PKNOX2: variants seen among roughly 807,000 people sequenced by gnomAD.
PKNOX2 encodes homeobox protein PKNOX2.
Under a neutral mutation model 53.1 loss-of-function variants are expected in PKNOX2, and 14 were observed. The ratio of observed to expected loss-of-function variants is 0.26; its 90% CI spans 0.17 to 0.41. The LOEUF is 0.41. Among genes scored for constraint, PKNOX2 ranks in the 10% least tolerant of loss-of-function variants. The pLI is 1.00. For missense variants in PKNOX2, 496 were observed against 602.8 expected (o/e 0.82, Z 1.85); for synonymous variants, 257 against 242.8 (o/e 1.06, Z -0.54).
intron 7 of PKNOX2, among the ~76,000 whole-genome samples, chr11:125,406,432 C>A (rs1374117881): frequency 6.6e-6 from 1 of 152,216 alleles, no homozygotes; most frequent in Non-Finnish European, 1.5e-5. Flanking sequence ...CCCAGCTGAA[C>A]CCCTTCCATT....
chr11:125,302,072 T>A (rs552023581), intron 2 of PKNOX2, among the ~76,000 whole-genome samples: 29 of 152,314 alleles, frequency 1.9e-4, no homozygotes, highest in Admixed American at 7.8e-4. Flanking sequence ...GTTCGCCAGC[T>A]GCCTGGAGAA....
chr11:125,343,780 C>T (rs767498103), intron 3 of PKNOX2, among the ~76,000 whole-genome samples: 37 of 151,796 alleles, frequency 2.4e-4, no homozygotes, highest in Non-Finnish European at 3.7e-4. Context: ...AGCAAGACCA[C>T]GAAGAGGGCG....
chr11:125,359,814 G>A (rs1951824158), intron 4 of PKNOX2, among the ~76,000 whole-genome samples: 1 of 152,220 alleles, frequency 6.6e-6, no homozygotes, highest in Non-Finnish European at 1.5e-5. Context: ...GCCCTCCTGG[G>A]GCTGGCTGGC....
At chr11:125,289,144 C>T (rs1175405038) in intron 2 of PKNOX2, among the ~76,000 whole-genome samples, 1 of 152,186 alleles carries the variant, frequency 6.6e-6, no homozygotes, top group Non-Finnish European at 1.5e-5. Flanking sequence ...AATCCTCAGC[C>T]TTCAAGCGGA....
At chr11:125,301,008 C>A (rs1319501091) in intron 2 of PKNOX2, among the ~76,000 whole-genome samples, 2 of 152,314 alleles carry the variant, frequency 1.3e-5, no homozygotes, top group African/African-American at 4.8e-5. Flanking sequence ...GCTCTATCCT[C>A]GTCCCCTCCT....
chr11:125,334,333 G>A (rs1301064921), intron 3 of PKNOX2, among the ~76,000 whole-genome samples: 1 of 152,224 alleles, frequency 6.6e-6, no homozygotes, highest in African/African-American at 2.4e-5. Context: ...GAGCCAGCCA[G>A]TGTGCCTGGA....
rs980219568 is a variant in PKNOX2, at chr11:125,262,889, C to G, written c.-130+27774C>G. Among the ~76,000 whole-genome samples, 82 of 152,306 alleles carry G rather than the reference C, an allele frequency of 5.4e-4. 1 individual carries two copies. Among genetic ancestry groups the G allele is most frequent in the African/African-American group, 1.8e-3 (76 of 41,572 alleles). ...CCTTTTCCTCTCTGTGTCCCTCTTT[C>G]TATTTCTATGATCCGTTTCCTAGTG... On this transcript the variant is annotated intron_variant, in intron 2 of 12. Transcript: ENST00000298282.
chr11:125,296,781 G>A (rs1439927367), intron 2 of PKNOX2, among the ~76,000 whole-genome samples: 2 of 152,126 alleles, frequency 1.3e-5, no homozygotes, highest in South Asian at 2.1e-4. Context: ...GACTACAGGT[G>A]TGCGCCACCA....
chr11:125,196,633 A>T lies in PKNOX2; in HGVS notation c.-201+31857A>T, dbSNP rs893433343. On this transcript the variant is annotated intron_variant, in intron 1 of 12. Transcript: ENST00000298282. ...AGCCATGAAGCCAAACCTGGGTCAAACCCTGCTCCAATTTCACCTGTGGCC... is the reference window on the plus strand; with the variant it reads ...AGCCATGAAGCCAAACCTGGGTCAATCCCTGCTCCAATTTCACCTGTGGCC... Among the ~76,000 whole-genome samples the T allele has an allele frequency of 6.6e-5, 10 of 152,150 alleles. 1 individual carries two copies. The highest frequency in any genetic ancestry group is 2.4e-4 in the African/African-American group (10 of 41,426).
intron 1 of PKNOX2, among the ~76,000 whole-genome samples, chr11:125,196,993 T>A (rs1450607879): frequency 6.6e-6 from 1 of 152,210 alleles, no homozygotes; most frequent in Non-Finnish European, 1.5e-5. Context: ...GCGATGTGGC[T>A]ACTTAAATTT....
chr11:125,287,947 A>C (rs1947015940), intron 2 of PKNOX2: 1 of 152,040 alleles, frequency 6.6e-6, no homozygotes, highest in African/African-American at 2.4e-5. Context: ...GCCCCTGCTG[A>C]GGGCCACCCA....
At chr11:125,285,869 C>G (rs578009387) in intron 2 of PKNOX2, among the ~76,000 whole-genome samples, 1 of 152,358 alleles carries the variant, frequency 6.6e-6, no homozygotes, top group African/African-American at 2.4e-5. Flanking sequence ...CCTTGAGGCT[C>G]TTTCCATCAC....
chr11:125,172,796 C>G (rs1955425819), intron 1 of PKNOX2, among the ~76,000 whole-genome samples: 1 of 152,176 alleles, frequency 6.6e-6, no homozygotes, highest in Non-Finnish European at 1.5e-5. Flanking sequence ...CAACAGACTG[C>G]AGGGGCTTGG....
At chr11:125,216,437 G>C (rs1040051456) in intron 1 of PKNOX2, among the ~76,000 whole-genome samples, 4 of 152,344 alleles carry the variant, frequency 2.6e-5, no homozygotes, top group Admixed American at 6.5e-5. Flanking sequence ...GTCCTGGTAG[G>C]GGGGTGAGTC....
At chr11:125,397,762 A>T in intron 6 of PKNOX2, 112 bp from the exon 7 acceptor site, 1 of 1,103,032 alleles carries the variant, frequency 9.1e-7, no homozygotes, top group Non-Finnish European at 1.3e-6. Flanking sequence ...AGGAAGCATG[A>T]GCTACGGCAG....
chr11:125,234,145 A>G (rs1401299941), intron 1 of PKNOX2, among the ~76,000 whole-genome samples: 1 of 152,054 alleles, frequency 6.6e-6, no homozygotes, highest in African/African-American at 2.4e-5. Context: ...TCCCATTCAA[A>G]TTCCACCTCC....
intron 6 of PKNOX2, among the ~76,000 whole-genome samples, chr11:125,393,322 GT>G (rs1489936401): frequency 2.6e-5 from 4 of 152,134 alleles, no homozygotes; most frequent in African/African-American, 9.7e-5. Context: ...GTTCCTCGAT[GT>G]TCTTGGTGCC....
intron 1 of PKNOX2, among the ~76,000 whole-genome samples, chr11:125,204,544 A>G (rs585974): frequency 0.48 from 72,907 of 152,000 alleles, 17,951 homozygotes; most frequent in Middle Eastern, 0.55. Flanking sequence ...GTTGAACGAC[A>G]CATCCCAGTT....
chr11:125,263,839 T>C (rs1945087362), intron 2 of PKNOX2, among the ~76,000 whole-genome samples: 1 of 152,218 alleles, frequency 6.6e-6, no homozygotes, highest in Non-Finnish European at 1.5e-5. Flanking sequence ...CAGGTCTTTG[T>C]CTGAATCTGG....
Sources: gnomAD v4.1 joint callset for allele counts (sites outside exome capture counted in the v4.1 genomes callset) on GRCh38, gnomAD v4.1.1 for gene constraint, MANE v1.5 for transcripts, NCBI Gene and HGNC (gene_info 2026-07-23, HGNC 2026-07-21) for gene names.